The following PFKM variants were observed in gnomAD, a reference collection of about 807,000 sequenced individuals.
PFKM encodes the protein ATP-dependent 6-phosphofructokinase, muscle type.
A neutral mutation model predicts 95.5 loss-of-function variants in PFKM; 58 were observed. The ratio of observed to expected loss-of-function variants is 0.61; its 90% CI spans 0.49 to 0.76. The LOEUF is 0.76. PFKM is among the 30% of genes least tolerant of loss of function. PFKM has a pLI of 0.00. For synonymous variants in PFKM, 336 were observed against 357.2 expected (o/e 0.94, Z 0.67); for missense variants, 678 against 1,005.4 (o/e 0.67, Z 4.40).
Position 48,140,752 on chromosome 12 carries a change from G to T in PFKM, c.1222G>T (p.Val408Leu). ...SGSHTVAVMNVGAPAAGMNAA... is the reference protein window; with the variant it reads ...SGSHTVAVMNLGAPAAGMNAA... ...TTCGCACACAGTGGCTGTGATGAAC[G>T]TGGGGGCTCCGGCTGCAGGCATGAA... The change falls in exon 14 of 23, where the codon GTG (valine) becomes TTG (leucine). Residue 408 changes from valine (V) to leucine (L), a missense_variant. Coordinates refer to ENST00000359794, the MANE Select transcript of PFKM (RefSeq NM_000289.6). The T allele has an allele frequency of 6.2e-7, 1 of 1,614,184 alleles. No homozygotes were observed. The highest frequency in any genetic ancestry group is 1.7e-5 in the Admixed American group (1 of 60,026).
rs930544072 is a variant in PFKM, at chr12:48,134,265, C to G, written c.627C>G (p.Gly209=). The part of the protein sequence containing the change: ...HQRTFVLEVM[G]RHCGYLALVT... Reference sequence around the variant, plus strand: ...GGACATTTGTGTTAGAAGTAATGGGCCGCCACTGTGGGTAAGATCCTCATT... The same window carrying G: ...GGACATTTGTGTTAGAAGTAATGGGGCGCCACTGTGGGTAAGATCCTCATT... The change falls in exon 7 of 23, where the codon GGC becomes GGG. Residue 209 remains glycine, a synonymous_variant. Transcript: ENST00000359794. 12 of 1,613,476 alleles carry G rather than the reference C, an allele frequency of 7.4e-6. No homozygotes were observed. The highest frequency in any genetic ancestry group is 1.0e-5 in the Non-Finnish European group (12 of 1,179,412).
rs1946884639 is a variant in PFKM at position 48,108,278 on chromosome 12, T to G, written c.205+84T>G. ...GTATGCATAGTATTATAAATCAGCG[T>G]AGACCTACTAAAGCTGAAATATAAG... On this transcript the variant is annotated intron_variant, in intron 3 of 24. Transcript: ENST00000340802. The G allele has an allele frequency of 1.7e-5, 22 of 1,281,206 alleles. No individual in the cohort carries two copies. The South Asian group carries it at 3.5e-4, about 21-fold the overall frequency. The allele number at this position is 1,281,206 out of a possible 1,614,324, so 79.4% of individuals were successfully genotyped here. A position where few individuals can be genotyped will look rare whatever the true frequency, so the allele number is the denominator to read the frequency against.
chr12:48,144,991 A>C, intron 20 of PFKM, 40 bp from the exon 21 acceptor site: 1 of 1,375,394 alleles, frequency 7.3e-7, no homozygotes, highest in Non-Finnish European at 1.0e-6. Flanking sequence ...CCACTTCATT[A>C]GAGTCCTTCC....
At position 48,140,712 on chromosome 12, in the gene PFKM, T is replaced by C. The variant is rs749849989; in HGVS notation, c.1192-10T>C. The stretch of plus-strand genomic sequence containing the variant: ...TCTGTCCTCATTTTTCCCTGCTTCC[T>C]CCTGTATAGAGTGGTTCGCACACAG... On this transcript the variant is annotated splice_polypyrimidine_tract_variant and intron_variant, in intron 13 of 22. Transcript: ENST00000359794. 2 of 1,614,144 alleles carry C rather than the reference T, an allele frequency of 1.2e-6. No individual in the cohort carries two copies. Among genetic ancestry groups the C allele is most frequent in the South Asian group, 2.2e-5 (2 of 91,082 alleles).
chr12:48,144,185 T>G, intron 20 of PFKM, 28 bp downstream of exon 20: 2 of 1,443,562 alleles, frequency 1.4e-6, no homozygotes, highest in South Asian at 1.1e-5. Flanking sequence ...GTCATGCCCT[T>G]CATCAGACAG....
rs111763523 is a variant in PFKM at position 48,109,213 on chromosome 12, T to C, written c.205+1019T>C. On this transcript the variant is annotated intron_variant, in intron 3 of 24. Transcript: ENST00000340802. ...TTCAAAATAAGATGCCATAGAAATG[T>C]AGGGTTCAAAATAACTTTGGTTCAA... is the stretch of plus-strand genomic sequence containing the variant. Among the ~76,000 whole-genome samples, 518 of 152,318 alleles carry C rather than the reference T, an allele frequency of 3.4e-3. 6 individuals carry two copies. The highest frequency in any genetic ancestry group is 2.2e-3 in the Non-Finnish European group (153 of 68,024).
At chr12:48,129,188 C>G (rs1036206936) in intron 2 of PFKM, among the ~76,000 whole-genome samples, 21 of 62,462 alleles carry the variant, frequency 3.4e-4, no homozygotes, top group African/African-American at 1.2e-3. Flanking sequence ...AGTTTTTGTT[C>G]TGTTTTGTTT....
chr12:48,135,340 A>T lies in PFKM; in HGVS notation c.893A>T (p.His298Leu). ...GYDTRVTVLG[H>L]VQRGGTPSAF... ...GACACCCGGGTTACTGTCTTGGGGCATGTGCAGAGGGGTGGGACGCCATCA... is the reference window on the plus strand; with the variant it reads ...GACACCCGGGTTACTGTCTTGGGGCTTGTGCAGAGGGGTGGGACGCCATCA... Residue 298 changes from histidine to leucine, a missense_variant, in exon 10 of 23, where the codon CAT becomes CTT. Physicochemically the swap from His to Leu is moderately conservative, Grantham distance 99. Transcript: ENST00000359794. 6.2e-7 allele frequency: 1 copy of T among 1,614,180 alleles called. No homozygotes were observed. Among genetic ancestry groups the T allele is most frequent in the South Asian group, 1.1e-5 (1 of 91,086 alleles).
chr12:48,115,184 A>C (rs1947561840), upstream of PFKM, among the ~76,000 whole-genome samples: 1 of 152,298 alleles, frequency 6.6e-6, no homozygotes, highest in East Asian at 1.9e-4. Context: ...GAATAATCAG[A>C]GAGGCATCCC....
At chr12:48,109,253 G>C (rs1442722270) in intron 3 of PFKM, among the ~76,000 whole-genome samples, 1 of 152,186 alleles carries the variant, frequency 6.6e-6, no homozygotes, top group East Asian at 1.9e-4. Context: ...AGATGCCATA[G>C]AGATGTAGGG....
rs1171073479 is a variant in PFKM at position 48,132,918 on chromosome 12, A to G, written c.288A>G (p.Glu96=). ...SARCKDFRER[E]GRLRAAYNLV... ...GGTGCAAGGACTTTCGGGAACGAGA[A>G]GGACGACTCCGAGCTGCCTACAACC... is the stretch of plus-strand genomic sequence containing the variant. Residue 96 remains glutamate (E), a synonymous_variant, in exon 5 of 23, where the codon GAA becomes GAG. Coordinates refer to ENST00000359794, the MANE Select transcript of PFKM (RefSeq NM_000289.6). 6.2e-7 allele frequency: 1 copy of G among 1,614,198 alleles called. No homozygotes were observed. Among genetic ancestry groups the G allele is most frequent in the Non-Finnish European group, 8.5e-7 (1 of 1,180,032 alleles).
intron 11 of PFKM, 113 bp from the exon 12 acceptor site, chr12:48,139,172 G>T: frequency 1.2e-6 from 1 of 838,024 alleles, no homozygotes; most frequent in Non-Finnish European, 2.1e-6. Flanking sequence ...GTGTAGAATG[G>T]ACAGGATCTA....
chr12:48,133,240 C>G lies in PFKM; in HGVS notation c.428-75C>G, dbSNP rs1202882475. ...ACAATTCCTTTTGGCTAGAGTTTCT[C>G]TCTCTCTAGATATCTCCTCTTTAGG... On this transcript the variant is annotated intron_variant, in intron 5 of 22. Transcript: ENST00000359794. The G allele has an allele frequency of 5.0e-6, 7 of 1,390,522 alleles. No homozygotes were observed. In the South Asian group the frequency reaches 7.0e-5, roughly 14 times the overall value. 86.1% of individuals were successfully genotyped at this position (1,390,522 alleles called of 1,614,324 possible).
In PFKM at chr12:48,137,804, T is replaced by C. The variant is rs2135957243; in HGVS notation, c.1020T>C (p.Gly340=). 6.2e-7 allele frequency: 1 copy of C among 1,614,128 alleles called. No individual in the cohort carries two copies. ...DTPACVVSLS[G]NQAVRLPLME... is the part of the protein sequence containing the mutation. ...CAGCCTGTGTAGTGAGCCTCTCTGG[T>C]AACCAGGCTGTGCGCCTGCCCCTCA... is the stretch of plus-strand genomic sequence containing the variant. The change falls in exon 11 of 23, where the codon GGT becomes GGC. Residue 340 remains glycine (G), a synonymous_variant. Coordinates refer to ENST00000359794, the MANE Select transcript of PFKM (RefSeq NM_000289.6).
In PFKM at chr12:48,145,699, T is replaced by A. The variant is rs8716; in HGVS notation, c.2334T>A (p.Ala778=). 7.4e-6 allele frequency: 12 copies of A among 1,613,946 alleles called. No individual in the cohort carries two copies. The highest frequency in any genetic ancestry group is 1.0e-5 in the Non-Finnish European group (12 of 1,179,914). Residue 778 remains alanine (A), a synonymous_variant, in exon 23 of 23, where the codon GCT becomes GCA. Transcript: ENST00000359794. This position sits in a 1 kb window ranked among gnomAD's most constrained non-coding sequence, Gnocchi z 4.3. ...TCACCCGGAAGCGGTCCGGGGAAGCTGCCGTCTAAACCTCTCTGGAGTGAG... is the reference window on the plus strand; with the variant it reads ...TCACCCGGAAGCGGTCCGGGGAAGCAGCCGTCTAAACCTCTCTGGAGTGAG... ...EHITRKRSGE[A]AV is the part of the protein sequence containing the mutation.
At chr12:48,122,895 AC>A in intron 2 of PFKM, 36 bp downstream of exon 2, 1 of 1,594,090 alleles carries the variant, frequency 6.3e-7, no homozygotes. Context: ...GGCTGGTGGG[AC>A]TTTTGGAATT....
In PFKM at chr12:48,108,140, C is replaced by CT. The variant is rs1946866884; in HGVS notation, c.152dup (p.Asp52ArgfsTer5). 6.3e-7 allele frequency: 1 copy of CT among 1,599,164 alleles called. No individual in the cohort carries two copies. The highest frequency in any genetic ancestry group is 8.5e-7 in the Non-Finnish European group (1 of 1,179,526). On this transcript the variant is annotated frameshift_variant, in exon 3 of 25. Coordinates refer to the PFKM transcript ENST00000340802. LOFTEE classifies it high-confidence loss of function. ...ACCAAAGACAGACATCTTGAAGAGT[C>CT]TAGATACTATGGATGATCCAGACAC...
chr12:48,144,328 C>T (rs1312735248), intron 20 of PFKM, among the ~76,000 whole-genome samples, 171 bp downstream of exon 20: 4 of 152,208 alleles, frequency 2.6e-5, no homozygotes, highest in Non-Finnish European at 5.9e-5. Flanking sequence ...AGAATCAAAA[C>T]ATCTTTATCC....
chr12:48,144,199 T>A, intron 20 of PFKM, 42 bp downstream of exon 20: 1 of 1,328,600 alleles, frequency 7.5e-7, no homozygotes, highest in Non-Finnish European at 1.1e-6. Context: ...CAGACAGCCA[T>A]ACCTGCCAAC....
Sources: gnomAD v4.1 joint callset for allele counts (sites outside exome capture counted in the v4.1 genomes callset) on GRCh38, gnomAD v4.1.1 for gene constraint, Gnocchi (gnomAD v3.1) non-coding constraint, MANE v1.5 for transcripts, NCBI Gene and HGNC (gene_info 2026-07-23, HGNC 2026-07-21) for gene names.